The following GRHL2 variants were observed in gnomAD, a reference collection of about 807,000 sequenced individuals.
The protein encoded by GRHL2 is grainyhead like transcription factor 2.
Under a neutral mutation model 83.8 loss-of-function variants are expected in GRHL2, and 21 were observed. The ratio of observed to expected loss-of-function variants is 0.25; its 90% CI spans 0.18 to 0.36. The LOEUF is 0.36. Ranked by LOEUF, GRHL2 falls within the 10% of genes least tolerant of loss-of-function variation. The probability of loss-of-function intolerance (pLI) is 1.00; values close to 1 mark genes in which losing one functional copy is unlikely to be tolerated. For missense variants in GRHL2, 623 were observed against 781.8 expected, an observed-to-expected ratio of 0.80 and a Z score of 2.42; for synonymous variants, 280 against 278.9, an observed-to-expected ratio of 1.00 and a Z score of -0.04.
chr8:101,585,870 T>C (rs1020383754), intron 7 of GRHL2, among the ~76,000 whole-genome samples: 1 of 152,132 alleles, frequency 6.6e-6, no homozygotes, highest in Admixed American at 6.6e-5. Context: ...GGATGAATCC[T>C]GGAAACTCAT....
At chr8:101,602,041 T>A (rs1563602036) in intron 8 of GRHL2, among the ~76,000 whole-genome samples, 1 of 152,218 alleles carries the variant, frequency 6.6e-6, no homozygotes, top group Non-Finnish European at 1.5e-5. Flanking sequence ...GTGTTCTCAT[T>A]GTTCAGCTCC....
chr8:101,497,027 A>G (rs1810121546), intron 1 of GRHL2, among the ~76,000 whole-genome samples: 1 of 152,208 alleles, frequency 6.6e-6, no homozygotes, highest in African/African-American at 2.4e-5. Flanking sequence ...TAATCAAGAG[A>G]TAGTAATACC....
chr8:101,505,212 G>A (rs1810313430), intron 1 of GRHL2, among the ~76,000 whole-genome samples: 1 of 151,862 alleles, frequency 6.6e-6, no homozygotes, highest in African/African-American at 2.4e-5. Context: ...TCTTCATATT[G>A]TATAGAAATT....
At chr8:101,674,132 G>A (rs527915531), downstream of GRHL2, among the ~76,000 whole-genome samples, 126 of 151,498 alleles carry the variant, frequency 8.3e-4, 2 homozygotes, top group South Asian at 0.02. Flanking sequence ...ACACCCTAAC[G>A]TCACAATTAA....
At chr8:101,661,718 G>A (rs1302213831) in intron 14 of GRHL2, among the ~76,000 whole-genome samples, 3 of 152,110 alleles carry the variant, frequency 2.0e-5, no homozygotes, top group Admixed American at 6.5e-5. Flanking sequence ...GAGATATTTG[G>A]GTGAAATACA....
chr8:101,622,023 G>T (rs1380901167), intron 9 of GRHL2, among the ~76,000 whole-genome samples: 1 of 152,152 alleles, frequency 6.6e-6, no homozygotes, highest in Non-Finnish European at 1.5e-5. Flanking sequence ...GAAAGCATAT[G>T]TATTTAAACA....
chr8:101,629,035 C>T (rs1172508537), intron 9 of GRHL2, among the ~76,000 whole-genome samples: 4 of 152,196 alleles, frequency 2.6e-5, no homozygotes, highest in African/African-American at 9.6e-5. Context: ...GATAAAACAG[C>T]AGCAGTGCTT....
At chr8:101,663,697 T>G (rs1813977853) in intron 14 of GRHL2, among the ~76,000 whole-genome samples, 1 of 152,062 alleles carries the variant, frequency 6.6e-6, no homozygotes, top group South Asian at 2.1e-4. Flanking sequence ...AAATTATGAC[T>G]GTGTGGTGCA....
rs188751846 is a variant in GRHL2 at position 101,584,408 on chromosome 8, A to G, written c.1003+6889A>G. 7.9e-5 allele frequency among the ~76,000 whole-genome samples: 12 copies of G among 152,170 alleles called. No homozygotes were observed. In the East Asian group the frequency reaches 2.3e-3, roughly 29 times the overall value. On this transcript the variant is annotated intron_variant, in intron 7 of 15. Coordinates refer to ENST00000646743, the MANE Select transcript of GRHL2 (RefSeq NM_024915.4). ...AAATCAAAGCATTTCTTCACGTTTG[A>G]TTCTCCATAGTTCTCTTTGAGGGCA...
At chr8:101,608,694 G>T (rs1030128872) in intron 8 of GRHL2, among the ~76,000 whole-genome samples, 2 of 151,356 alleles carry the variant, frequency 1.3e-5, no homozygotes, top group South Asian at 2.1e-4. Flanking sequence ...TTGACTCATT[G>T]TTAATATTTT....
intron 1 of GRHL2, among the ~76,000 whole-genome samples, chr8:101,536,067 G>A (rs936671293): frequency 6.6e-6 from 1 of 152,150 alleles, no homozygotes; most frequent in Non-Finnish European, 1.5e-5. Context: ...TTTCAGGCAG[G>A]GGAACAGTCT....
chr8:101,569,981 C>T (rs1204754790), intron 4 of GRHL2, among the ~76,000 whole-genome samples: 1 of 152,126 alleles, frequency 6.6e-6, no homozygotes, highest in African/African-American at 2.4e-5. Context: ...CTGTGTAATT[C>T]GTGTTCTGTT....
At chr8:101,541,370 T>C (rs1811151172) in intron 1 of GRHL2, among the ~76,000 whole-genome samples, 1 of 152,106 alleles carries the variant, frequency 6.6e-6, no homozygotes. Flanking sequence ...GTGGTAGATC[T>C]ACTTTTGGTT....
chr8:101,649,393 T>C (rs775156702), intron 13 of GRHL2, 21 bp from the exon 14 acceptor site: 1 of 1,601,970 alleles, frequency 6.2e-7, no homozygotes, highest in South Asian at 1.1e-5. Context: ...GTCACGTGGC[T>C]CTCTTGCCCA....
intron 1 of GRHL2, among the ~76,000 whole-genome samples, chr8:101,524,586 T>C (rs1280539466): frequency 6.6e-6 from 1 of 152,222 alleles, no homozygotes; most frequent in East Asian, 1.9e-4. Flanking sequence ...CTTTGACCTG[T>C]GAATATTTAG....
chr8:101,616,980 C>T (rs1482615325), intron 8 of GRHL2, among the ~76,000 whole-genome samples: 1 of 152,160 alleles, frequency 6.6e-6, no homozygotes, highest in Non-Finnish European at 1.5e-5. Context: ...TTATGGAATA[C>T]ATGTAGATAC....
In GRHL2 at chr8:101,521,997, G is replaced by A. The variant is rs1162863388; in HGVS notation, c.21-21244G>A. The stretch of plus-strand genomic sequence containing the variant: ...TGAACTGAGTGGGAAATTTAGGGCA[G>A]GGGTGTGAATGGAGGAAGAAAACTT... On this transcript the variant is annotated intron_variant, in intron 1 of 15. Coordinates refer to ENST00000646743, the MANE Select transcript of GRHL2 (RefSeq NM_024915.4). Among the ~76,000 whole-genome samples the A allele has an allele frequency of 2.0e-5, 3 of 152,198 alleles. No individual in the cohort carries two copies. The East Asian group carries it at 5.8e-4, about 29-fold the overall frequency.
rs1264311223 is a variant in GRHL2, at chr8:101,609,842, C to T, written c.1099-9697C>T. 2.0e-5 allele frequency among the ~76,000 whole-genome samples: 3 copies of T among 151,078 alleles called. No individual in the cohort carries two copies. In the South Asian group the frequency reaches 6.2e-4, roughly 31 times the overall value. On this transcript the variant is annotated intron_variant, in intron 8 of 15. Coordinates refer to ENST00000646743, the MANE Select transcript of GRHL2 (RefSeq NM_024915.4). Reference sequence around the variant, plus strand: ...AAACAAGGAAGGGAGGTCATTTTCACAGTTTACCCTTCTGTGCCTTTTGGA... The same window carrying T: ...AAACAAGGAAGGGAGGTCATTTTCATAGTTTACCCTTCTGTGCCTTTTGGA...
At chr8:101,542,947 C>T (rs938247820) in intron 1 of GRHL2, among the ~76,000 whole-genome samples, 3 of 152,174 alleles carry the variant, frequency 2.0e-5, no homozygotes, top group Non-Finnish European at 2.9e-5. Flanking sequence ...GCCCTACCTT[C>T]CAATACCATC....
Sources: allele counts gnomAD v4.1 joint callset (sites outside exome capture counted in the v4.1 genomes callset), GRCh38; gene constraint gnomAD v4.1.1; transcripts MANE v1.5; gene names NCBI Gene and HGNC (gene_info 2026-07-23, HGNC 2026-07-21).